Variants in CSMD1 observed in about 807,000 individuals in gnomAD.
CSMD1 encodes CUB and Sushi multiple domains 1, also known as CUB and sushi domain-containing protein 1.
In CSMD1, 213 loss-of-function variants were observed where a neutral mutation model predicts 417.5. The observed-to-expected ratio is 0.51, with a 90% CI of 0.46 to 0.57. The LOEUF is 0.57. Ranked by LOEUF, CSMD1 falls within the 20% of genes least tolerant of loss-of-function variation. The probability of loss-of-function intolerance (pLI) is 0.00; values close to 1 mark genes in which losing one functional copy is unlikely to be tolerated. For synonymous variants in CSMD1, 2,862 were observed against 1,736.8 expected, an observed-to-expected ratio of 1.65 and a Z score of -16.11; for missense variants, 6,923 against 4,529.7, an observed-to-expected ratio of 1.53 and a Z score of -15.17.
At chr8:3,880,744 A>G (rs2975343) in intron 5 of CSMD1, among the ~76,000 whole-genome samples, 5,064 of 152,316 alleles carry the variant, frequency 0.033, 281 homozygotes, top group African/African-American at 0.12. Context: ...AAATTATATT[A>G]TACAGCTATT....
chr8:4,885,805 A>G (rs1803698751), intron 1 of CSMD1, among the ~76,000 whole-genome samples: 1 of 151,984 alleles, frequency 6.6e-6, no homozygotes, highest in Non-Finnish European at 1.5e-5. Context: ...TTGAGTTCTG[A>G]GGAAATCCAA....
chr8:4,145,736 G>A (rs1423377542), intron 3 of CSMD1, among the ~76,000 whole-genome samples: 1 of 150,908 alleles, frequency 6.6e-6, no homozygotes, highest in African/African-American at 2.5e-5. Context: ...TTGTCCCAAG[G>A]AACCAAAGTC....
intron 1 of CSMD1, among the ~76,000 whole-genome samples, chr8:4,703,733 A>T (rs1273459379): frequency 6.6e-6 from 1 of 152,218 alleles, no homozygotes; most frequent in East Asian, 1.9e-4. Flanking sequence ...AAAATCTTAA[A>T]GTGATTTTAC....
At chr8:4,220,943 C>G (rs1030195005) in intron 3 of CSMD1, among the ~76,000 whole-genome samples, 1 of 152,166 alleles carries the variant, frequency 6.6e-6, no homozygotes, top group Non-Finnish European at 1.5e-5. Flanking sequence ...ACAGTTCACA[C>G]CACACGGTTG....
intron 55 of CSMD1, 65 bp from the exon 56 acceptor site, chr8:2,974,689 C>T: frequency 4.0e-6 from 5 of 1,249,846 alleles, no homozygotes; most frequent in Non-Finnish European, 5.5e-6. Flanking sequence ...ATTGGAAAAT[C>T]TCCCATACAG....
chr8:3,681,829 G>T (rs1034833419), intron 7 of CSMD1, among the ~76,000 whole-genome samples: 1 of 152,138 alleles, frequency 6.6e-6, no homozygotes, highest in African/African-American at 2.4e-5. Flanking sequence ...CATGGTACTG[G>T]TACCAAAACA....
intron 5 of CSMD1, among the ~76,000 whole-genome samples, chr8:3,862,204 C>T (rs117741173): frequency 2.9e-4 from 44 of 152,280 alleles, no homozygotes; most frequent in Non-Finnish European, 5.1e-4. Context: ...AACTCTTTTA[C>T]AAATTATGAC....
At chr8:3,708,571 G>A (rs938643227) in intron 6 of CSMD1, 80 bp from the exon 7 acceptor site, 2 of 1,187,016 alleles carry the variant, frequency 1.7e-6, no homozygotes, top group Non-Finnish European at 2.5e-6. Context: ...AGCACTTCCA[G>A]TCATAACTGC....
chr8:3,276,225 C>G (rs1802279733), intron 26 of CSMD1, among the ~76,000 whole-genome samples: 1 of 152,138 alleles, frequency 6.6e-6, no homozygotes, highest in African/African-American at 2.4e-5. Flanking sequence ...GGAGGTGCCT[C>G]TCAGTTAGGC....
chr8:4,660,522 T>C (rs1405118975), intron 1 of CSMD1, among the ~76,000 whole-genome samples: 1 of 152,080 alleles, frequency 6.6e-6, no homozygotes, highest in South Asian at 2.1e-4. Context: ...GAGAAGATTA[T>C]TCTAAAATGT....
chr8:4,795,430 C>T (rs1422365332), intron 1 of CSMD1, among the ~76,000 whole-genome samples: 2 of 151,618 alleles, frequency 1.3e-5, no homozygotes, highest in Non-Finnish European at 2.9e-5. Flanking sequence ...CAGCACCACG[C>T]CAGGCTAACT....
intron 8 of CSMD1, among the ~76,000 whole-genome samples, chr8:3,601,609 C>T (rs536072401): frequency 1.3e-5 from 2 of 152,226 alleles, no homozygotes; most frequent in Admixed American, 1.3e-4. Context: ...TAAGATGCTG[C>T]AAAATTTTCA....
chr8:4,467,638 T>A (rs1311123529), intron 2 of CSMD1, among the ~76,000 whole-genome samples: 1 of 152,240 alleles, frequency 6.6e-6, no homozygotes, highest in Non-Finnish European at 1.5e-5. Flanking sequence ...TTCTGAAATA[T>A]CTTGTTTTAC....
intron 2 of CSMD1, among the ~76,000 whole-genome samples, chr8:4,590,133 G>A (rs1799911663): frequency 6.6e-6 from 1 of 151,788 alleles, no homozygotes. Flanking sequence ...AATTTTATTT[G>A]GTAAAGCAAG....
chr8:3,900,587 CTAGCTGGGTGACAGTG>C (rs1187911862), intron 5 of CSMD1, among the ~76,000 whole-genome samples: 9 of 149,802 alleles, frequency 6.0e-5, no homozygotes, highest in East Asian at 2.0e-4. Context: ...GGATGACACT[CTAGCTGGGTGACAGTG>C]TAGCTGGGTG....
intron 26 of CSMD1, chr8:3,278,263 C>G (rs1802458713): frequency 6.6e-6 from 1 of 152,158 alleles, no homozygotes; most frequent in Non-Finnish European, 1.5e-5. Context: ...AGAGGTAGTG[C>G]AACCCTGATG....
At chr8:3,151,596 G>A in intron 39 of CSMD1, 83 bp from the exon 40 acceptor site, 1 of 827,952 alleles carries the variant, frequency 1.2e-6, no homozygotes, top group Admixed American at 2.2e-5. Flanking sequence ...ACTCAACTAT[G>A]CTGAGAAAGA....
rs1811654720 is a variant in CSMD1 at position 4,994,519 on chromosome 8, A to G, written c.-103T>C. On this transcript the variant is annotated 5_prime_UTR_variant, in exon 1 of 70. Transcript: ENST00000635120. ...CACCCGAGGGCAAGGCGAGCCGGAG[A>G]GAGAGCCCGGTCCCAAGACCCGCCG... 1 of 1,092,702 alleles carries G rather than the reference A, an allele frequency of 9.2e-7. No homozygotes were observed. Among genetic ancestry groups the G allele is most frequent in the Non-Finnish European group, 1.3e-6 (1 of 748,114 alleles). The allele number at this position is 1,092,702 out of a possible 1,614,324, so 67.7% of individuals were successfully genotyped here. A position where few individuals can be genotyped will look rare whatever the true frequency, so the allele number is the denominator to read the frequency against.
At chr8:4,188,576 T>C (rs11774620) in intron 3 of CSMD1, among the ~76,000 whole-genome samples, 130,495 of 151,902 alleles carry the variant, frequency 0.86, 56,172 homozygotes, top group South Asian at 0.9. Context: ...CACTGTCAAC[T>C]GACGCGCCCT....
Sources: allele counts gnomAD v4.1 joint callset (sites outside exome capture counted in the v4.1 genomes callset), GRCh38; gene constraint gnomAD v4.1.1; transcripts MANE v1.5; gene names NCBI Gene and HGNC (gene_info 2026-07-23, HGNC 2026-07-21).